Variants in GABRB3 observed in about 807,000 individuals in gnomAD.
GABRB3 encodes the protein gamma-aminobutyric acid type A receptor subunit beta3.
Under a neutral mutation model 52.1 loss-of-function variants are expected in GABRB3, and 14 were observed. That is an observed-to-expected ratio of 0.27 (90% CI 0.18 to 0.42). GABRB3 has a LOEUF of 0.42. Ranked by LOEUF, GABRB3 falls within the 10% of genes least tolerant of loss-of-function variation. The pLI is 1.00. For missense variants in GABRB3, 307 were observed against 609.1 expected (o/e 0.50, Z 5.22); for synonymous variants, 260 against 232.3 (o/e 1.12, Z -1.08).
chr15:26,559,066 T>C (rs1889878968), intron 8 of GABRB3, among the ~76,000 whole-genome samples: 2 of 152,124 alleles, frequency 1.3e-5, no homozygotes, highest in Admixed American at 6.5e-5. Context: ...TATTAAACCA[T>C]TCATGATAAA....
intron 3 of GABRB3, among the ~76,000 whole-genome samples, chr15:26,677,063 A>C (rs1255040696): frequency 1.3e-5 from 2 of 152,168 alleles, no homozygotes; most frequent in African/African-American, 4.8e-5. Flanking sequence ...TAGCACATGG[A>C]ATAACATCGA....
chr15:26,629,914 G>A (rs1408974341), intron 3 of GABRB3, among the ~76,000 whole-genome samples: 5 of 152,142 alleles, frequency 3.3e-5, no homozygotes, highest in African/African-American at 1.2e-4. Context: ...CCCTGAGAAC[G>A]TTTGGCTTCT....
chr15:26,588,237 G>C (rs1891068792), intron 4 of GABRB3, among the ~76,000 whole-genome samples: 1 of 152,158 alleles, frequency 6.6e-6, no homozygotes, highest in South Asian at 2.1e-4. Context: ...CTAGAGAACT[G>C]GACAACGTTA....
chr15:26,701,898 A>C (rs1311754772), intron 3 of GABRB3, among the ~76,000 whole-genome samples: 1 of 152,244 alleles, frequency 6.6e-6, no homozygotes, highest in Non-Finnish European at 1.5e-5. Flanking sequence ...AGATCAATGA[A>C]ACAGAATATA....
chr15:26,547,309 A>G lies in GABRB3; in HGVS notation c.*484T>C, dbSNP rs1450434245. 1 of 398,664 alleles carries G rather than the reference A, an allele frequency of 2.5e-6. No individual in the cohort carries two copies. The highest frequency in any genetic ancestry group is 2.1e-5 in the African/African-American group (1 of 48,480). The allele number at this position is 398,664 out of a possible 1,614,324, so 24.7% of individuals were successfully genotyped here. On this transcript the variant is annotated 3_prime_UTR_variant, in exon 9 of 9. Coordinates refer to ENST00000311550, the MANE Select transcript of GABRB3 (RefSeq NM_000814.6). ...AAGTGACTCATTTTAAACTAGCAAT[A>G]CCACTGTATGAGTTTTCAAAGATTA... is the stretch of plus-strand genomic sequence containing the variant.
chr15:26,732,280 A>AGATGGATGGATAGATG (rs1889944042), intron 3 of GABRB3, among the ~76,000 whole-genome samples: 1 of 131,564 alleles, frequency 7.6e-6, no homozygotes, highest in Non-Finnish European at 1.6e-5. Context: ...ATGGATGAAT[A>AGATGGATGGATAGATG]GATGGATGGA....
intron 3 of GABRB3, among the ~76,000 whole-genome samples, chr15:26,669,887 T>A (rs1887833776): frequency 6.6e-6 from 1 of 152,214 alleles, no homozygotes; most frequent in South Asian, 2.1e-4. Context: ...TTTCCTGTGA[T>A]TCCCTTTCTC....
At position 26,547,967 on chromosome 15, in the gene GABRB3, C is replaced by G; in HGVS notation, c.1248G>C (p.Leu416=). The G allele has an allele frequency of 6.2e-7, 1 of 1,614,190 alleles. No homozygotes were observed. The highest frequency in any genetic ancestry group is 8.5e-7 in the Non-Finnish European group (1 of 1,180,050). ...SMPREGHGRF[L]GDRSLPHKKT... The stretch of plus-strand genomic sequence containing the variant: ...TCTTGTGCGGGAGGCTTCTGTCCCC[C>G]AGGAATCGCCCATGCCCTTCTCGAG... Residue 416 remains leucine (L), a synonymous_variant, in exon 9 of 9, where the codon CTG becomes CTC. Coordinates refer to ENST00000311550, the MANE Select transcript of GABRB3 (RefSeq NM_000814.6).
At chr15:26,756,652 T>A (rs1890670574) in intron 3 of GABRB3, among the ~76,000 whole-genome samples, 1 of 152,090 alleles carries the variant, frequency 6.6e-6, no homozygotes, top group African/African-American at 2.4e-5. Flanking sequence ...GTTAAAAAAA[T>A]ATAAAAATGT....
intron 3 of GABRB3, among the ~76,000 whole-genome samples, chr15:26,717,250 A>G (rs1047155636): frequency 6.8e-6 from 1 of 146,242 alleles, no homozygotes; most frequent in Non-Finnish European, 1.5e-5. Flanking sequence ...CCTCCACCCT[A>G]TGACAGCCCA....
At chr15:26,551,398 G>A (rs1661921897) in intron 8 of GABRB3, among the ~76,000 whole-genome samples, 1 of 152,202 alleles carries the variant, frequency 6.6e-6, no homozygotes, top group Non-Finnish European at 1.5e-5. Flanking sequence ...TGAAGCCCGT[G>A]AATAACTGCT....
rs1051957065 is a variant in GABRB3 at position 26,603,020 on chromosome 15, C to T, written c.461+18294G>A. ...CAAAATTGACAAACCTTTAGCCAGA[C>T]TAACTACAAAAAAAGAGAGGGAAGA... On this transcript the variant is annotated intron_variant, in intron 4 of 8. Coordinates refer to ENST00000311550, the MANE Select transcript of GABRB3 (RefSeq NM_000814.6). Among the ~76,000 whole-genome samples, 3 of 151,452 alleles carry T rather than the reference C, an allele frequency of 2.0e-5. No homozygotes were observed. The East Asian group carries it at 5.8e-4, about 29-fold the overall frequency.
intron 8 of GABRB3, among the ~76,000 whole-genome samples, chr15:26,554,127 G>GTATA (rs1177122496): frequency 0.023 from 522 of 22,530 alleles, 17 homozygotes; most frequent in African/African-American, 0.099. Context: ...AAGTGTGTGT[G>GTATA]TATATATATA....
intron 3 of GABRB3, among the ~76,000 whole-genome samples, chr15:26,628,185 A>C (rs1595496091): frequency 1.3e-5 from 2 of 152,286 alleles, no homozygotes; most frequent in African/African-American, 2.4e-5. Flanking sequence ...TAACTTTTAT[A>C]TATCTTGGGA....
chr15:26,753,374 A>C (rs1595347069), intron 3 of GABRB3, among the ~76,000 whole-genome samples: 1 of 152,218 alleles, frequency 6.6e-6, no homozygotes, highest in African/African-American at 2.4e-5. Flanking sequence ...AGACCACTGC[A>C]GTTGAGGGCT....
At chr15:26,611,500 A>C (rs1489909478) in intron 4 of GABRB3, among the ~76,000 whole-genome samples, 2 of 152,186 alleles carry the variant, frequency 1.3e-5, no homozygotes, top group Non-Finnish European at 2.9e-5. Flanking sequence ...ATGTGTACTT[A>C]TTGAATAAAA....
intron 3 of GABRB3, among the ~76,000 whole-genome samples, chr15:26,623,159 G>C (rs61998698): frequency 0.31 from 47,327 of 152,106 alleles, 9,218 homozygotes; most frequent in Middle Eastern, 0.47. Flanking sequence ...AAAAACACAT[G>C]GAGTGTTGCT....
chr15:26,655,376 T>C (rs1306201509), intron 3 of GABRB3, among the ~76,000 whole-genome samples: 3 of 152,184 alleles, frequency 2.0e-5, no homozygotes, highest in Non-Finnish European at 4.4e-5. Context: ...TAAAGGCAAG[T>C]TTCCACATTA....
At chr15:26,712,797 C>G (rs982411947) in intron 3 of GABRB3, among the ~76,000 whole-genome samples, 1 of 152,084 alleles carries the variant, frequency 6.6e-6, no homozygotes, top group Non-Finnish European at 1.5e-5. Context: ...CTTGAGGAGA[C>G]CACAGCAAAC....
Sources: allele counts gnomAD v4.1 joint callset (sites outside exome capture counted in the v4.1 genomes callset), GRCh38; gene constraint gnomAD v4.1.1; transcripts MANE v1.5; gene names NCBI Gene and HGNC (gene_info 2026-07-23, HGNC 2026-07-21).